Variants in EEFSEC observed in about 807,000 individuals in gnomAD.
The protein encoded by EEFSEC is eukaryotic elongation factor, selenocysteine-tRNA specific.
Under a neutral mutation model 42.1 loss-of-function variants are expected in EEFSEC, and 43 were observed. That is an observed-to-expected ratio of 1.02 (90% CI 0.80 to 1.32). The LOEUF is 1.32. Ranked by LOEUF, EEFSEC falls within the 40% of genes most tolerant of loss-of-function variation. EEFSEC has a pLI of 0.00. For synonymous variants in EEFSEC, 354 were observed against 339.1 expected (o/e 1.04, Z -0.48); for missense variants, 745 against 803.6 (o/e 0.93, Z 0.88).
At chr3:128,156,261 G>T (rs1290321264) in intron 1 of EEFSEC, among the ~76,000 whole-genome samples, 3 of 152,142 alleles carry the variant, frequency 2.0e-5, no homozygotes, top group African/African-American at 7.2e-5. Flanking sequence ...GACTTTTCTT[G>T]TGTATTTGCT....
intron 1 of EEFSEC, among the ~76,000 whole-genome samples, chr3:128,231,163 C>A (rs994104800): frequency 2.6e-5 from 4 of 152,072 alleles, no homozygotes; most frequent in Admixed American, 6.5e-5. Context: ...TCTAACTTTC[C>A]AAGCCTCAGA....
At chr3:128,414,596 C>T in the EEFSEC span, among the ~76,000 whole-genome samples, 1 of 152,250 alleles carries the variant, frequency 6.6e-6, no homozygotes, top group Non-Finnish European at 1.5e-5. Flanking sequence ...AAGCCAGTTA[C>T]CCACACTGTC....
chr3:128,386,079 T>C (rs757442395), intron 6 of EEFSEC, among the ~76,000 whole-genome samples: 4 of 152,246 alleles, frequency 2.6e-5, no homozygotes, highest in Non-Finnish European at 5.9e-5. Flanking sequence ...TAGAATGTTC[T>C]CTAATTGAGT....
chr3:128,243,672 G>A (rs2066097309), intron 1 of EEFSEC, among the ~76,000 whole-genome samples: 1 of 152,206 alleles, frequency 6.6e-6, no homozygotes, highest in Non-Finnish European at 1.5e-5. Flanking sequence ...CCTGGGGCAG[G>A]TGTTCTGGGC....
At chr3:128,361,843 G>T (rs952189207) in intron 6 of EEFSEC, among the ~76,000 whole-genome samples, 1 of 152,236 alleles carries the variant, frequency 6.6e-6, no homozygotes, top group Non-Finnish European at 1.5e-5. Flanking sequence ...GAATTCTGCT[G>T]GTGGTGAGAG....
In EEFSEC at chr3:128,408,058, G is replaced by A. The variant is rs1356273181; in HGVS notation, c.1601-11G>A. ...ACGGCAGAGTGACAGGCTCTCTTCTGTGCCTTGCAGGTGGCCTCAGCCCCG... is the reference window on the plus strand; with the variant it reads ...ACGGCAGAGTGACAGGCTCTCTTCTATGCCTTGCAGGTGGCCTCAGCCCCG... On this transcript the variant is annotated splice_polypyrimidine_tract_variant and intron_variant, in intron 6 of 6. Coordinates refer to ENST00000254730, the MANE Select transcript of EEFSEC (RefSeq NM_021937.5). 1.3e-6 allele frequency: 2 copies of A among 1,541,482 alleles called. No individual in the cohort carries two copies. The highest frequency in any genetic ancestry group is 3.9e-5 in the Admixed American group (2 of 51,364).
At chr3:128,165,643 A>G (rs1214743717) in intron 1 of EEFSEC, among the ~76,000 whole-genome samples, 2 of 152,242 alleles carry the variant, frequency 1.3e-5, no homozygotes, top group African/African-American at 4.8e-5. Flanking sequence ...CAGGAAGACT[A>G]AAATAATTTC....
rs537012063 is a variant in EEFSEC, at chr3:128,369,677, T to C, written c.1600+11304T>C. On this transcript the variant is annotated intron_variant, in intron 6 of 6. Transcript: ENST00000254730. ...GCTAGAATGCTACCCTTTCTGAAAATCCCAGTTTCCTCATCAGTAAGGTGG... is the reference window on the plus strand; with the variant it reads ...GCTAGAATGCTACCCTTTCTGAAAACCCCAGTTTCCTCATCAGTAAGGTGG... Among the ~76,000 whole-genome samples the C allele has an allele frequency of 2.0e-5, 3 of 152,276 alleles. No individual in the cohort carries two copies. The South Asian group carries it at 6.2e-4, about 32-fold the overall frequency.
intron 6 of EEFSEC, among the ~76,000 whole-genome samples, chr3:128,399,817 G>C (rs186640045): frequency 6.6e-6 from 1 of 151,816 alleles, no homozygotes; most frequent in Admixed American, 6.6e-5. Context: ...GTCCCCAGCC[G>C]GGTCTGTGTT....
intron 4 of EEFSEC, among the ~76,000 whole-genome samples, chr3:128,314,142 A>G (rs2066919752): frequency 6.6e-6 from 1 of 152,142 alleles, no homozygotes; most frequent in Non-Finnish European, 1.5e-5. Flanking sequence ...AGTTGTTTGG[A>G]GAGCACGTTA....
chr3:128,157,944 G>A (rs1160790107), intron 1 of EEFSEC, among the ~76,000 whole-genome samples: 1 of 152,188 alleles, frequency 6.6e-6, no homozygotes, highest in Non-Finnish European at 1.5e-5. Flanking sequence ...AAAGTAAATT[G>A]AAAACCTTCT....
At chr3:128,183,671 G>T (rs767013940) in intron 1 of EEFSEC, among the ~76,000 whole-genome samples, 1 of 152,176 alleles carries the variant, frequency 6.6e-6, no homozygotes, top group Admixed American at 6.5e-5. Flanking sequence ...GAACCGATGC[G>T]TGCAGGGCAC....
chr3:128,341,875 G>GT lies in EEFSEC; in HGVS notation c.1429_1430insT (p.Gly477ValfsTer9). 6.2e-7 allele frequency: 1 copy of GT among 1,613,110 alleles called. No individual in the cohort carries two copies. Reference sequence around the variant, plus strand: ...GGTGTACAAGCTGAAGCACAAGCATGGCCTTGTGGAGCGGGTGAGCATGCC... The same window carrying GT: ...GGTGTACAAGCTGAAGCACAAGCATGTGCCTTGTGGAGCGGGTGAGCATGCC... On this transcript the variant is annotated frameshift_variant, in exon 5 of 7. Transcript: ENST00000254730. LOFTEE classifies it high-confidence loss of function.
intron 6 of EEFSEC, among the ~76,000 whole-genome samples, chr3:128,381,729 A>T (rs945719823): frequency 6.6e-6 from 1 of 152,160 alleles, no homozygotes; most frequent in Non-Finnish European, 1.5e-5. Flanking sequence ...GGCAGGTCTG[A>T]CACGGAAGGG....
intron 5 of EEFSEC, among the ~76,000 whole-genome samples, chr3:128,346,633 AAAAT>A (rs1263676638): frequency 3.3e-5 from 5 of 152,148 alleles, no homozygotes; most frequent in Admixed American, 1.3e-4. Context: ...CACCAGTAAT[AAAAT>A]AAATAAATAA....
At chr3:128,345,860 G>T (rs1054826296) in intron 5 of EEFSEC, among the ~76,000 whole-genome samples, 1 of 152,186 alleles carries the variant, frequency 6.6e-6, no homozygotes, top group African/African-American at 2.4e-5. Context: ...TCATATATTC[G>T]GATGTTTACT....
At chr3:128,181,167 C>T (rs988655075) in intron 1 of EEFSEC, among the ~76,000 whole-genome samples, 1 of 152,152 alleles carries the variant, frequency 6.6e-6, no homozygotes, top group Non-Finnish European at 1.5e-5. Flanking sequence ...GTGGCTGGCT[C>T]CCTGGCAAAG....
chr3:128,396,178 G>C (rs1460459582), intron 6 of EEFSEC, among the ~76,000 whole-genome samples: 1 of 152,228 alleles, frequency 6.6e-6, no homozygotes, highest in Non-Finnish European at 1.5e-5. Flanking sequence ...GTTTGTGTGT[G>C]TGTATGTATG....
At chr3:128,281,720 T>C (rs1176635770) in intron 4 of EEFSEC, among the ~76,000 whole-genome samples, 3 of 152,158 alleles carry the variant, frequency 2.0e-5, no homozygotes, top group Non-Finnish European at 4.4e-5. Context: ...GGTTCAAGCA[T>C]GTCCTAAGGA....
Sources: gnomAD v4.1 joint callset for allele counts (sites outside exome capture counted in the v4.1 genomes callset) on GRCh38, gnomAD v4.1.1 for gene constraint, MANE v1.5 for transcripts, NCBI Gene and HGNC (gene_info 2026-07-23, HGNC 2026-07-21) for gene names.